Variants in CNBD1 observed in about 807,000 individuals in gnomAD.
The protein encoded by CNBD1 is cyclic nucleotide binding domain containing 1.
Under a neutral mutation model 54.4 loss-of-function variants are expected in CNBD1, and 71 were observed. The observed-to-expected ratio is 1.30, with a 90% CI of 1.08 to 1.59. The LOEUF is 1.59. Ranked by LOEUF, CNBD1 falls within the 40% of genes most tolerant of loss-of-function variation. The pLI is 0.00. For missense variants in CNBD1, 659 were observed against 518.0 expected (o/e 1.27, Z -2.64); for synonymous variants, 182 against 170.7 (o/e 1.07, Z -0.51).
At chr8:87,179,239 C>T (rs753269567) in intron 4 of CNBD1, among the ~76,000 whole-genome samples, 2 of 152,082 alleles carry the variant, frequency 1.3e-5, no homozygotes, top group Non-Finnish European at 2.9e-5. Context: ...ATGCAGGAAA[C>T]TTCGAAGAAA....
chr8:86,906,226 C>G (rs1809014271), intron 3 of CNBD1, among the ~76,000 whole-genome samples: 1 of 152,148 alleles, frequency 6.6e-6, no homozygotes, highest in Non-Finnish European at 1.5e-5. Context: ...ACAAATATGT[C>G]TCCAGGGGTT....
At position 86,905,213 on chromosome 8, in the gene CNBD1, G is replaced by C; in HGVS notation, c.272+19G>C. ...AACAAAGGTAATGATACCTTCTTTTGAAAGCAAGGTTGATGGGTGTGTATG... is the reference window on the plus strand; with the variant it reads ...AACAAAGGTAATGATACCTTCTTTTCAAAGCAAGGTTGATGGGTGTGTATG... On this transcript the variant is annotated intron_variant, in intron 3 of 10. Transcript: ENST00000518476. 1 of 1,430,356 alleles carries C rather than the reference G, an allele frequency of 7.0e-7. No individual in the cohort carries two copies. Among genetic ancestry groups the C allele is most frequent in the Non-Finnish European group, 9.8e-7 (1 of 1,017,216 alleles). The allele number at this position is 1,430,356 out of a possible 1,614,324, so 88.6% of individuals were successfully genotyped here. A position where few individuals can be genotyped will look rare whatever the true frequency, so the allele number is the denominator to read the frequency against.
intron 2 of CNBD1, among the ~76,000 whole-genome samples, chr8:87,399,449 G>T (rs1274764000): frequency 6.6e-6 from 1 of 151,968 alleles, no homozygotes; most frequent in Non-Finnish European, 1.5e-5. Context: ...AGGTAAACTT[G>T]TCTGAAATAA....
chr8:87,415,744 A>G (rs919727585), intron 2 of CNBD1, among the ~76,000 whole-genome samples: 6 of 151,986 alleles, frequency 3.9e-5, no homozygotes, highest in Admixed American at 2.6e-4. Flanking sequence ...ATAAAGGACT[A>G]TGTTATTTAG....
intron 6 of CNBD1, among the ~76,000 whole-genome samples, chr8:87,272,576 G>T (rs11779553): frequency 0.28 from 42,712 of 151,668 alleles, 6,463 homozygotes; most frequent in African/African-American, 0.39. Flanking sequence ...TCTAGTTTAT[G>T]ACAAGAAAAA....
chr8:87,326,488 A>C (rs1809671977), intron 8 of CNBD1, among the ~76,000 whole-genome samples: 3 of 122,492 alleles, frequency 2.4e-5, no homozygotes, highest in Non-Finnish European at 5.5e-5. Context: ...TATTTCTTGG[A>C]GGCTTTGCTC....
chr8:86,955,532 A>G (rs1051843131), intron 4 of CNBD1, among the ~76,000 whole-genome samples: 3 of 152,124 alleles, frequency 2.0e-5, no homozygotes, highest in Non-Finnish European at 2.9e-5. Context: ...ATTCTAACTG[A>G]TGTGAGATGG....
intron 4 of CNBD1, among the ~76,000 whole-genome samples, chr8:87,190,228 C>A (rs1227589098): frequency 6.6e-6 from 1 of 152,054 alleles, no homozygotes; most frequent in African/African-American, 2.4e-5. Flanking sequence ...GTTCATGTAC[C>A]CCCAAACATA....
chr8:87,036,868 T>G (rs2130603190), intron 4 of CNBD1, among the ~76,000 whole-genome samples: 1 of 152,296 alleles, frequency 6.6e-6, no homozygotes, highest in Non-Finnish European at 1.5e-5. Flanking sequence ...CTAGATGTTC[T>G]CTAGGCCTGT....
intron 4 of CNBD1, among the ~76,000 whole-genome samples, chr8:87,203,638 T>C (rs375502275): frequency 2.0e-5 from 3 of 152,292 alleles, no homozygotes; most frequent in South Asian, 2.1e-4. Flanking sequence ...TCAACACATA[T>C]ATTAACTCTT....
chr8:87,379,234 G>A (rs1811021326), intron 10 of CNBD1, among the ~76,000 whole-genome samples: 1 of 151,966 alleles, frequency 6.6e-6, no homozygotes, highest in African/African-American at 2.4e-5. Context: ...TCTTGTGAAA[G>A]TCCTGAGTGA....
chr8:86,950,322 C>A (rs1336560578), intron 4 of CNBD1, among the ~76,000 whole-genome samples: 1 of 152,058 alleles, frequency 6.6e-6, no homozygotes. Context: ...CCTGTCTCAG[C>A]CTCCCAAAGT....
rs188929685 is a variant in CNBD1, at chr8:86,882,432, C to A, written c.89-5110C>A. On this transcript the variant is annotated intron_variant, in intron 1 of 10. Transcript: ENST00000518476. ...AATCATATGGAAAAAAGCTCAACAT[C>A]ACTGGTCATTAGAGAAATGCAAATC... Among the ~76,000 whole-genome samples the A allele has an allele frequency of 8.2e-4, 125 of 152,242 alleles. 1 individual carries two copies. Among genetic ancestry groups the A allele is most frequent in the Non-Finnish European group, 1.5e-3 (99 of 68,020 alleles).
rs1341418362 is a variant in CNBD1, at chr8:86,990,180, C to A, written c.431+50426C>A. Among the ~76,000 whole-genome samples, 5 of 152,082 alleles carry A rather than the reference C, an allele frequency of 3.3e-5. No homozygotes were observed. The East Asian group carries it at 9.6e-4, about 29-fold the overall frequency. On this transcript the variant is annotated intron_variant, in intron 4 of 10. Transcript: ENST00000518476. ...TTCACTTTGCTGATTGTTTCCTTTG[C>A]TGTGCAGAAGCTTTATAACTTGACA...
chr8:86,882,023 A>G (rs1270697036), intron 1 of CNBD1, among the ~76,000 whole-genome samples: 2 of 152,320 alleles, frequency 1.3e-5, no homozygotes, highest in Non-Finnish European at 2.9e-5. Context: ...ACTATATTCA[A>G]TAATTAACTT....
chr8:87,240,844 C>A (rs76771416), intron 6 of CNBD1, among the ~76,000 whole-genome samples: 3,206 of 152,104 alleles, frequency 0.021, 130 homozygotes, highest in African/African-American at 0.073. Context: ...TTTTTAATAC[C>A]GTACCCTTGA....
chr8:87,029,036 C>T (rs1366936584), intron 4 of CNBD1, among the ~76,000 whole-genome samples: 2 of 152,146 alleles, frequency 1.3e-5, no homozygotes, highest in African/African-American at 4.8e-5. Context: ...AAAAAGAATG[C>T]TTTTAGCATT....
chr8:87,284,418 C>A (rs978603195), intron 6 of CNBD1, among the ~76,000 whole-genome samples: 4 of 152,102 alleles, frequency 2.6e-5, no homozygotes, highest in Non-Finnish European at 4.4e-5. Context: ...ATATTCCAAG[C>A]ACTCTAATAG....
At chr8:87,203,042 C>T (rs1230530171) in intron 4 of CNBD1, among the ~76,000 whole-genome samples, 3 of 152,148 alleles carry the variant, frequency 2.0e-5, no homozygotes, top group Non-Finnish European at 4.4e-5. Flanking sequence ...CAAACTGAAC[C>T]CTGCCACTTA....
Sources: gnomAD v4.1 joint callset for allele counts (sites outside exome capture counted in the v4.1 genomes callset) on GRCh38, gnomAD v4.1.1 for gene constraint, MANE v1.5 for transcripts, NCBI Gene and HGNC (gene_info 2026-07-23, HGNC 2026-07-21) for gene names.